The following TNR variants were observed in gnomAD, a reference collection of about 807,000 sequenced individuals.
TNR encodes the protein tenascin R, also known as tenascin-R.
A neutral mutation model predicts 150.4 loss-of-function variants in TNR; 45 were observed. That is an observed-to-expected ratio of 0.30 (90% CI 0.24 to 0.38). The LOEUF (loss-of-function observed/expected upper bound fraction) is 0.38, where lower values mean the gene tolerates loss of function less well. Among genes scored for constraint, TNR ranks in the 10% least tolerant of loss-of-function variants. The pLI is 1.00. For synonymous variants in TNR, 687 were observed against 678.4 expected (o/e 1.01, Z -0.20); for missense variants, 1,544 against 1,759.1 (o/e 0.88, Z 2.19).
At position 175,403,476 on chromosome 1, in the gene TNR, A is replaced by G; in HGVS notation, c.640T>C (p.Cys214Arg). ...TCACAGATGCACTGGCCATCCACAC[A>G]CACCCCCCGGCTGGAGCAACCCAGC... Reference protein sequence around the residue: ...CPLGCSSRGVCVDGQCICDSE... With the variant: ...CPLGCSSRGVRVDGQCICDSE... The change falls in exon 4 of 23, where the codon TGT (cysteine) becomes CGT (arginine). Residue 214 changes from cysteine to arginine, a missense_variant. This residue lies in a region of TNR where 1,254 missense variants were observed against 1,329.4 expected (regional missense o/e 0.94). Transcript: ENST00000367674. 3.1e-6 allele frequency: 5 copies of G among 1,614,082 alleles called. No homozygotes were observed. The highest frequency in any genetic ancestry group is 4.2e-6 in the Non-Finnish European group (5 of 1,180,018).
intron 8 of TNR, among the ~76,000 whole-genome samples, chr1:175,382,374 T>A (rs1652720941): frequency 6.6e-6 from 1 of 152,210 alleles, no homozygotes; most frequent in African/African-American, 2.4e-5. Flanking sequence ...TAGCTTTGAC[T>A]GAGGGTGCTG....
At chr1:175,464,141 GA>G (rs1656932063) in intron 2 of TNR, among the ~76,000 whole-genome samples, 1 of 152,162 alleles carries the variant, frequency 6.6e-6, no homozygotes, top group African/African-American at 2.4e-5. Context: ...ACACTTAATA[GA>G]AAGCCTTGAA....
chr1:175,469,137 C>T (rs923650750), intron 2 of TNR, among the ~76,000 whole-genome samples: 1 of 152,082 alleles, frequency 6.6e-6, no homozygotes, highest in Admixed American at 6.6e-5. Context: ...CTTATTGAGT[C>T]TGACGGACCT....
intron 1 of TNR, among the ~76,000 whole-genome samples, chr1:175,630,481 C>T (rs570629586): frequency 4.6e-5 from 7 of 152,306 alleles, no homozygotes; most frequent in African/African-American, 1.2e-4. Flanking sequence ...TGGGGTTAGG[C>T]GCTGTACATA....
intron 1 of TNR, among the ~76,000 whole-genome samples, chr1:175,704,527 G>A (rs1345475906): frequency 1.3e-5 from 2 of 152,180 alleles, no homozygotes; most frequent in Non-Finnish European, 2.9e-5. Flanking sequence ...GCTGGAAGTC[G>A]GCCCTGATCT....
chr1:175,480,974 T>G (rs1369273399), intron 2 of TNR, among the ~76,000 whole-genome samples: 1 of 152,246 alleles, frequency 6.6e-6, no homozygotes, highest in African/African-American at 2.4e-5. Flanking sequence ...AATAAACTAA[T>G]TCCTACTAAA....
At chr1:175,639,476 A>C (rs1664586458) in intron 1 of TNR, among the ~76,000 whole-genome samples, 2 of 152,164 alleles carry the variant, frequency 1.3e-5, no homozygotes, top group Non-Finnish European at 2.9e-5. Flanking sequence ...GCCCTCTTGC[A>C]GTGTTCTTCC....
intron 2 of TNR, among the ~76,000 whole-genome samples, chr1:175,514,269 C>G (rs898103159): frequency 6.6e-6 from 1 of 152,194 alleles, no homozygotes; most frequent in African/African-American, 2.4e-5. Flanking sequence ...TCAGCCATTG[C>G]TGGCTTTGAT....
intron 1 of TNR, among the ~76,000 whole-genome samples, chr1:175,562,311 C>A (rs1351267673): frequency 7.9e-5 from 12 of 152,078 alleles, no homozygotes. Flanking sequence ...CCACCCTCAC[C>A]ATCATTCAAT....
chr1:175,604,910 C>G lies in TNR; in HGVS notation c.-164-76541G>C, dbSNP rs557352661. On this transcript the variant is annotated intron_variant, in intron 1 of 22. Transcript: ENST00000367674. Reference sequence around the variant, plus strand: ...ATGTCCAGAGAAACACAAGATGTAGCTCTTGGAGTTTATATCCTAGAGGAG... The same window carrying G: ...ATGTCCAGAGAAACACAAGATGTAGGTCTTGGAGTTTATATCCTAGAGGAG... Among the ~76,000 whole-genome samples, 31 of 152,266 alleles carry G rather than the reference C, an allele frequency of 2.0e-4. No homozygotes were observed. The South Asian group carries it at 6.2e-3, about 31-fold the overall frequency.
At chr1:175,597,831 A>G (rs1395913306) in intron 1 of TNR, among the ~76,000 whole-genome samples, 1 of 152,230 alleles carries the variant, frequency 6.6e-6, no homozygotes, top group East Asian at 1.9e-4. Context: ...TTTAATAAAA[A>G]TGGAAACTAC....
Position 175,329,475 on chromosome 1 carries a change from G to A in TNR, c.3793+599C>T, listed in dbSNP as rs34433412. On this transcript the variant is annotated intron_variant, in intron 21 of 22. Coordinates refer to ENST00000367674, the MANE Select transcript of TNR (RefSeq NM_003285.3). ...ACCTGACCGTCTATGTGGTTCTTGC[G>A]GAGGAATGAAAAGAAACATGGCAAA... 2.9e-3 allele frequency among the ~76,000 whole-genome samples: 445 copies of A among 152,276 alleles called. 1 individual carries two copies. The highest frequency in any genetic ancestry group is 6.8e-3 in the Middle Eastern group (2 of 294).
chr1:175,487,657 C>T (rs1173620066), intron 2 of TNR, among the ~76,000 whole-genome samples: 6 of 152,132 alleles, frequency 3.9e-5, no homozygotes, highest in Non-Finnish European at 8.8e-5. Flanking sequence ...AGCAAGGCGC[C>T]TCCTTCCTCA....
At chr1:175,578,547 G>A (rs1405853150) in intron 1 of TNR, among the ~76,000 whole-genome samples, 2 of 152,124 alleles carry the variant, frequency 1.3e-5, no homozygotes, top group South Asian at 2.1e-4. Context: ...TACCTAGATC[G>A]ATGCAGGAAC....
chr1:175,690,618 T>G (rs1666332529), intron 1 of TNR, among the ~76,000 whole-genome samples: 1 of 152,196 alleles, frequency 6.6e-6, no homozygotes, highest in African/African-American at 2.4e-5. Context: ...GGTGCAGAGC[T>G]AGGCAGGACT....
intron 2 of TNR, among the ~76,000 whole-genome samples, chr1:175,428,025 C>A (rs1371657356): frequency 6.6e-6 from 1 of 151,976 alleles, no homozygotes; most frequent in Non-Finnish European, 1.5e-5. Flanking sequence ...AGATAAAAAT[C>A]CTATCTTTTT....
rs1362793336 is a variant in TNR at position 175,711,277 on chromosome 1, G to A, written c.-165+31949C>T. 2.6e-5 allele frequency among the ~76,000 whole-genome samples: 4 copies of A among 152,288 alleles called. No homozygotes were observed. In the East Asian group the frequency reaches 7.7e-4, roughly 30 times the overall value. On this transcript the variant is annotated intron_variant, in intron 1 of 22. Transcript: ENST00000367674. ...GCTTCACCATGAAGGTGCCATTTGAGCAAGACTTGGGGAGATGAGGGCTGA... is the reference window on the plus strand; with the variant it reads ...GCTTCACCATGAAGGTGCCATTTGAACAAGACTTGGGGAGATGAGGGCTGA...
chr1:175,607,429 T>A (rs149257383), intron 1 of TNR, among the ~76,000 whole-genome samples: 1 of 152,346 alleles, frequency 6.6e-6, no homozygotes, highest in African/African-American at 2.4e-5. Context: ...AGTGGGTACC[T>A]CTTGGAGAAA....
At chr1:175,374,702 A>G (rs769548669) in intron 9 of TNR, among the ~76,000 whole-genome samples, 1 of 152,194 alleles carries the variant, frequency 6.6e-6, no homozygotes, top group Non-Finnish European at 1.5e-5. Context: ...AACTGGAGAT[A>G]GAGATAGTCC....
Sources: gnomAD v4.1 joint callset for allele counts (sites outside exome capture counted in the v4.1 genomes callset) on GRCh38, gnomAD v4.1.1 for gene constraint, gnomAD v4.1.1 regional missense constraint, MANE v1.5 for transcripts, NCBI Gene and HGNC (gene_info 2026-07-23, HGNC 2026-07-21) for gene names.